SLC14A2: variants seen among roughly 807,000 people sequenced by gnomAD.
The protein encoded by SLC14A2 is urea transporter 2.
A neutral mutation model predicts 104.6 loss-of-function variants in SLC14A2; 91 were observed. That is an observed-to-expected ratio of 0.87 (90% CI 0.73 to 1.04). The LOEUF (loss-of-function observed/expected upper bound fraction) is 1.04, where lower values mean the gene tolerates loss of function less well. Among genes scored for constraint, SLC14A2 ranks in the 50% least tolerant of loss-of-function variants. The pLI, the probability that SLC14A2 is intolerant of heterozygous loss-of-function variation, is 0.00. For synonymous variants in SLC14A2, 476 were observed against 466.4 expected, an observed-to-expected ratio of 1.02 and a Z score of -0.27; for missense variants, 1,189 against 1,156.0, an observed-to-expected ratio of 1.03 and a Z score of -0.41.
intron 2 of SLC14A2, among the ~76,000 whole-genome samples, chr18:45,603,764 G>A: frequency 6.6e-6 from 1 of 152,136 alleles, no homozygotes; most frequent in East Asian, 1.9e-4. Flanking sequence ...GACTTGATGT[G>A]CTAATTCTTA....
chr18:45,672,752 A>T, intron 16 of SLC14A2, 148 bp from the exon 17 acceptor site: 2 of 629,792 alleles, frequency 3.2e-6, no homozygotes, highest in Non-Finnish European at 5.5e-6. Context: ...TGTTCCTGTT[A>T]AAGTTAACCT....
intron 2 of SLC14A2, among the ~76,000 whole-genome samples, chr18:45,494,364 A>T (rs1164051021): frequency 1.3e-5 from 2 of 152,184 alleles, no homozygotes; most frequent in African/African-American, 4.8e-5. Context: ...CTTCTCTGTT[A>T]TCAGCAACAC....
chr18:45,647,724 T>C (rs906502016), intron 10 of SLC14A2: 11 of 152,096 alleles, frequency 7.2e-5, no homozygotes, highest in African/African-American at 2.4e-4. Context: ...TTTATTCCTC[T>C]TTGGTTGTTT....
intron 2 of SLC14A2, among the ~76,000 whole-genome samples, chr18:45,511,474 G>A (rs2043364913): frequency 6.6e-6 from 1 of 152,208 alleles, no homozygotes; most frequent in Non-Finnish European, 1.5e-5. Context: ...CTTGCAATCT[G>A]TTCTTTATTA....
intron 1 of SLC14A2, among the ~76,000 whole-genome samples, chr18:45,406,555 G>A (rs2086156707): frequency 6.6e-6 from 1 of 152,036 alleles, no homozygotes; most frequent in African/African-American, 2.4e-5. Context: ...ATCCTCTCCA[G>A]AAGGTTTTTT....
intron 1 of SLC14A2, among the ~76,000 whole-genome samples, chr18:45,333,302 G>T (rs190582146): frequency 1.2e-4 from 18 of 152,130 alleles, no homozygotes; most frequent in Admixed American, 1.1e-3. Flanking sequence ...ATTTGTAATA[G>T]TGGCTACAGT....
intron 1 of SLC14A2, among the ~76,000 whole-genome samples, chr18:45,315,941 G>A (rs1228650438): frequency 2.0e-5 from 3 of 152,330 alleles, no homozygotes; most frequent in South Asian, 2.1e-4. Flanking sequence ...ATACCGCTGG[G>A]AGGGGGACCC....
chr18:45,336,746 C>T lies in SLC14A2; in HGVS notation c.-125+123555C>T, dbSNP rs145393081. Among the ~76,000 whole-genome samples, 685 of 152,224 alleles carry T rather than the reference C, an allele frequency of 4.5e-3. 6 individuals are homozygous for T. Among genetic ancestry groups the T allele is most frequent in the African/African-American group, 0.016 (667 of 41,514 alleles). On this transcript the variant is annotated intron_variant, in intron 1 of 20. Transcript: ENST00000586448. ...GTAACAATAACTGCCTATGATGGCTCCTAGTTTCATCCATCACCAAAACTA... is the reference window on the plus strand; with the variant it reads ...GTAACAATAACTGCCTATGATGGCTTCTAGTTTCATCCATCACCAAAACTA...
At chr18:45,376,886 A>G (rs535948967) in intron 1 of SLC14A2, among the ~76,000 whole-genome samples, 15 of 152,278 alleles carry the variant, frequency 9.9e-5, no homozygotes, top group African/African-American at 3.4e-4. Flanking sequence ...TCTTGCTCAT[A>G]CTTTTCACCT....
chr18:45,673,952 C>A, intron 18 of SLC14A2, 135 bp downstream of exon 18: 1 of 910,856 alleles, frequency 1.1e-6, no homozygotes, highest in South Asian at 1.8e-5. Flanking sequence ...AACGTTCAGT[C>A]ACATGAAGAC....
At chr18:45,633,129 T>C (rs759121718) in intron 5 of SLC14A2, among the ~76,000 whole-genome samples, 16 of 152,254 alleles carry the variant, frequency 1.1e-4, no homozygotes, top group Non-Finnish European at 1.9e-4. Flanking sequence ...GTGCTAAGTA[T>C]GGCTACATTT....
intron 1 of SLC14A2, among the ~76,000 whole-genome samples, chr18:45,276,754 T>C (rs915184299): frequency 1.3e-5 from 2 of 152,220 alleles, no homozygotes; most frequent in African/African-American, 4.8e-5. Context: ...TTACATTTTA[T>C]TTTATTGGTC....
At chr18:45,414,756 AAATATATATATATAT>A (rs1402702083) in intron 1 of SLC14A2, among the ~76,000 whole-genome samples, 43 of 71,350 alleles carry the variant, frequency 6.0e-4, no homozygotes, top group Middle Eastern at 6.3e-3. Context: ...AAAAAAAAAA[AAATATATATATATAT>A]ATATATATAT....
chr18:45,320,533 C>T (rs911165001), intron 1 of SLC14A2, among the ~76,000 whole-genome samples: 4 of 152,250 alleles, frequency 2.6e-5, no homozygotes, highest in Admixed American at 6.5e-5. Context: ...TCCTGTAAAT[C>T]GCAGACTGGG....
chr18:45,303,659 T>C (rs1219509417), intron 1 of SLC14A2, among the ~76,000 whole-genome samples: 1 of 152,234 alleles, frequency 6.6e-6, no homozygotes, highest in Non-Finnish European at 1.5e-5. Context: ...TATTCATGGG[T>C]CTGCAATACC....
intron 2 of SLC14A2, among the ~76,000 whole-genome samples, chr18:45,510,151 G>T (rs1416712885): frequency 6.6e-6 from 1 of 152,098 alleles, no homozygotes; most frequent in Non-Finnish European, 1.5e-5. Context: ...AAAATTAGGG[G>T]CATGGAAGTG....
chr18:45,193,871 G>C, the SLC14A2 span, among the ~76,000 whole-genome samples: 4 of 151,882 alleles, frequency 2.6e-5, no homozygotes, highest in East Asian at 7.7e-4. Context: ...ATTTCTTTAG[G>C]CCTTCTTCAA....
chr18:45,587,530 C>G (rs2044584801), intron 2 of SLC14A2, among the ~76,000 whole-genome samples: 1 of 152,188 alleles, frequency 6.6e-6, no homozygotes, highest in African/African-American at 2.4e-5. Flanking sequence ...AGCTTCTCCT[C>G]CTCTGGTCTA....
chr18:45,672,301 A>G (rs1408633140), intron 16 of SLC14A2, among the ~76,000 whole-genome samples: 1 of 152,188 alleles, frequency 6.6e-6, no homozygotes, highest in Non-Finnish European at 1.5e-5. Flanking sequence ...AGACCAAGGC[A>G]GGCGGATCAC....
Sources: gnomAD v4.1 joint callset for allele counts (sites outside exome capture counted in the v4.1 genomes callset) on GRCh38, gnomAD v4.1.1 for gene constraint, MANE v1.5 for transcripts, NCBI Gene and HGNC (gene_info 2026-07-23, HGNC 2026-07-21) for gene names.